Variants in MICU1 observed in about 807,000 individuals in gnomAD.
MICU1 encodes mitochondrial calcium uptake 1, also known as calcium uptake protein 1, mitochondrial.
In MICU1, 45 loss-of-function variants were observed where a neutral mutation model predicts 56.8. That is an observed-to-expected ratio of 0.79 (90% confidence interval 0.62 to 1.02). The LOEUF is 1.02. Among genes scored for constraint, MICU1 ranks in the 50% least tolerant of loss-of-function variants. MICU1 has a pLI of 0.00. For synonymous variants in MICU1, 186 were observed against 195.1 expected, an observed-to-expected ratio of 0.95 and a Z score of 0.39; for missense variants, 504 against 587.1, an observed-to-expected ratio of 0.86 and a Z score of 1.46.
At chr10:72,472,777 A>G (rs781558450) in intron 8 of MICU1, among the ~76,000 whole-genome samples, 38 of 152,182 alleles carry the variant, frequency 2.5e-4, no homozygotes, top group Non-Finnish European at 5.0e-4. Flanking sequence ...GATGAGAGTT[A>G]ATTTCCTATG....
At chr10:72,431,332 C>CT (rs1252882945) in intron 8 of MICU1, among the ~76,000 whole-genome samples, 1 of 152,076 alleles carries the variant, frequency 6.6e-6, no homozygotes, top group Non-Finnish European at 1.5e-5. Flanking sequence ...GTTTCGCCAT[C>CT]TTGCCCAGGC....
intron 5 of MICU1, among the ~76,000 whole-genome samples, chr10:72,515,318 T>C (rs192792480): frequency 3.1e-4 from 47 of 152,352 alleles, no homozygotes; most frequent in Middle Eastern, 3.4e-3. Context: ...ACTGACAATT[T>C]TTGGCAGCTT....
chr10:72,386,310 T>G (rs192244619), intron 10 of MICU1, among the ~76,000 whole-genome samples: 33 of 152,158 alleles, frequency 2.2e-4, no homozygotes, highest in African/African-American at 7.2e-4. Context: ...GCCTTCTGAG[T>G]AGCTGGGATT....
chr10:72,381,364 C>T (rs1862697064), intron 10 of MICU1, among the ~76,000 whole-genome samples: 1 of 152,156 alleles, frequency 6.6e-6, no homozygotes, highest in Non-Finnish European at 1.5e-5. Flanking sequence ...AAGTCCATCC[C>T]TAGATGGCTT....
At chr10:72,527,878 G>A (rs1483830005) in intron 5 of MICU1, among the ~76,000 whole-genome samples, 1 of 152,100 alleles carries the variant, frequency 6.6e-6, no homozygotes, top group Non-Finnish European at 1.5e-5. Flanking sequence ...CCCGGCTGGA[G>A]TGCAGTGATG....
chr10:72,529,185 T>C (rs1839407837), intron 5 of MICU1, among the ~76,000 whole-genome samples: 1 of 152,158 alleles, frequency 6.6e-6, no homozygotes, highest in African/African-American at 2.4e-5. Flanking sequence ...GGAAATAAAA[T>C]ACACATAAAT....
intron 6 of MICU1, among the ~76,000 whole-genome samples, chr10:72,500,274 A>ATATATATT (rs1554881644): frequency 2.1e-4 from 2 of 9,502 alleles, no homozygotes; most frequent in Admixed American, 1.2e-3. Context: ...ATATATATAT[A>ATATATATT]TATATATATA....
At chr10:72,487,038 GA>G (rs1161612360) in intron 6 of MICU1, among the ~76,000 whole-genome samples, 15 of 152,286 alleles carry the variant, frequency 9.8e-5, no homozygotes, top group African/African-American at 3.6e-4. Flanking sequence ...AAGCTTGGGT[GA>G]AATCACTGAT....
chr10:72,454,866 T>G (rs1229800932), intron 8 of MICU1, among the ~76,000 whole-genome samples: 3 of 151,798 alleles, frequency 2.0e-5, no homozygotes, highest in African/African-American at 7.3e-5. Flanking sequence ...ATCTACTGAC[T>G]GAGAAATGCT....
At chr10:72,516,698 T>C (rs1392650791) in intron 5 of MICU1, among the ~76,000 whole-genome samples, 2 of 152,218 alleles carry the variant, frequency 1.3e-5, no homozygotes, top group Non-Finnish European at 2.9e-5. Flanking sequence ...GGGAATCCTT[T>C]CCCCATTGCT....
intron 5 of MICU1, among the ~76,000 whole-genome samples, chr10:72,517,345 C>T (rs1867677638): frequency 6.6e-6 from 1 of 152,144 alleles, no homozygotes; most frequent in African/African-American, 2.4e-5. Flanking sequence ...CAGCACAATT[C>T]ACAACTGCAA....
At chr10:72,388,381 C>T (rs927683131) in intron 10 of MICU1, among the ~76,000 whole-genome samples, 20 of 152,178 alleles carry the variant, frequency 1.3e-4, no homozygotes, top group Non-Finnish European at 2.8e-4. Flanking sequence ...TAACTTCAGG[C>T]TTTTGTGTAT....
chr10:72,569,231 A>ATTTTTTTTTTTT (rs1156509426), intron 1 of MICU1, among the ~76,000 whole-genome samples: 13 of 39,536 alleles, frequency 3.3e-4, no homozygotes, highest in Non-Finnish European at 4.4e-4. Context: ...ATATATATAT[A>ATTTTTTTTTTTT]TATATATTTT....
At chr10:72,408,403 C>T (rs572834412) in intron 9 of MICU1, among the ~76,000 whole-genome samples, 9 of 152,088 alleles carry the variant, frequency 5.9e-5, no homozygotes, top group South Asian at 2.1e-4. Flanking sequence ...CCGCCTCCTA[C>T]GTTCAAGCAA....
intron 10 of MICU1, among the ~76,000 whole-genome samples, chr10:72,396,370 G>A (rs930264517): frequency 1.3e-5 from 2 of 152,186 alleles, no homozygotes; most frequent in Non-Finnish European, 1.5e-5. Flanking sequence ...AAAGCAGAGC[G>A]CCTCTTCTCC....
At chr10:72,396,749 G>A (rs191950215) in intron 10 of MICU1, among the ~76,000 whole-genome samples, 4,588 of 152,224 alleles carry the variant, frequency 0.03, 230 homozygotes, top group African/African-American at 0.11. Flanking sequence ...AGAGTTAAAA[G>A]AAATGAACAA....
intron 4 of MICU1, among the ~76,000 whole-genome samples, chr10:72,540,312 G>A (rs1414663200): frequency 2.0e-5 from 3 of 150,156 alleles, no homozygotes; most frequent in East Asian, 1.9e-4. Flanking sequence ...ATAACTTACT[G>A]CAAATATGCA....
In MICU1 at chr10:72,442,435, C is replaced by T. The variant is rs138486717; in HGVS notation, c.934-19064G>A. 3.6e-3 allele frequency among the ~76,000 whole-genome samples: 555 copies of T among 152,214 alleles called. 5 individuals carry two copies. The highest frequency in any genetic ancestry group is 0.011 in the African/African-American group (470 of 41,534). Reference sequence around the variant, plus strand: ...CTAGGATTACAAGCGTGAGCCACCACGCCTGGCCAATTTTCATAGCGATAA... The same window carrying T: ...CTAGGATTACAAGCGTGAGCCACCATGCCTGGCCAATTTTCATAGCGATAA... On this transcript the variant is annotated intron_variant, in intron 8 of 11. Coordinates refer to ENST00000361114, the MANE Select transcript of MICU1 (RefSeq NM_001195518.2).
chr10:72,470,342 T>C (rs1865914158), intron 8 of MICU1, among the ~76,000 whole-genome samples: 1 of 152,232 alleles, frequency 6.6e-6, no homozygotes, highest in Admixed American at 6.5e-5. Flanking sequence ...AAGGTACTTA[T>C]TCTACTGGAC....
Sources: gnomAD v4.1 joint callset for allele counts (sites outside exome capture counted in the v4.1 genomes callset) on GRCh38, gnomAD v4.1.1 for gene constraint, MANE v1.5 for transcripts, NCBI Gene and HGNC (gene_info 2026-07-23, HGNC 2026-07-21) for gene names.